The following ACTR3C variants were observed in gnomAD, a reference collection of about 807,000 sequenced individuals.
ACTR3C encodes actin-related protein 3C.
ACTR3C carries 18 observed loss-of-function variants against 26.3 expected under a neutral mutation model. That is an observed-to-expected ratio of 0.68 (90% CI 0.47 to 1.01). The LOEUF is 1.01. Among genes scored for constraint, ACTR3C ranks in the 50% least tolerant of loss-of-function variants. The pLI is 0.00. For synonymous variants in ACTR3C, 55 were observed against 94.5 expected, an observed-to-expected ratio of 0.58 and a Z score of 2.42; for missense variants, 184 against 250.7, an observed-to-expected ratio of 0.73 and a Z score of 1.80.
the ACTR3C span, among the ~76,000 whole-genome samples, chr7:150,066,560 G>A: frequency 1.3e-5 from 2 of 152,144 alleles, no homozygotes; most frequent in Non-Finnish European, 2.9e-5. Context: ...CAACAGTTGT[G>A]TAGAAAAATA....
the ACTR3C span, among the ~76,000 whole-genome samples, chr7:149,992,799 C>A: frequency 3.3e-5 from 5 of 152,170 alleles, no homozygotes; most frequent in East Asian, 5.8e-4. Flanking sequence ...CACATGCTCA[C>A]GAGGTGAAGT....
At chr7:150,219,433 T>TA in the ACTR3C span, among the ~76,000 whole-genome samples, 45 of 146,258 alleles carry the variant, frequency 3.1e-4, no homozygotes, top group African/African-American at 1.2e-3. Context: ...AGTTCATTGT[T>TA]ACATGCATTG....
At chr7:150,058,379 A>C in the ACTR3C span, among the ~76,000 whole-genome samples, 1 of 152,100 alleles carries the variant, frequency 6.6e-6, no homozygotes, top group African/African-American at 2.4e-5. Flanking sequence ...CTGCACCCAT[A>C]TCCCTTCTCA....
chr7:150,011,655 C>T, the ACTR3C span, among the ~76,000 whole-genome samples: 1 of 151,984 alleles, frequency 6.6e-6, no homozygotes, highest in Non-Finnish European at 1.5e-5. Context: ...CAATAGAAAG[C>T]CATGGCTTCT....
the ACTR3C span, among the ~76,000 whole-genome samples, chr7:150,121,284 C>A: frequency 2.8e-3 from 430 of 152,310 alleles, 4 homozygotes; most frequent in African/African-American, 9.7e-3. Flanking sequence ...GAGAGGAAGT[C>A]AAATTGTCTC....
intron 7 of ACTR3C, 186 bp downstream of exon 7, chr7:150,248,762 G>C: frequency 2.6e-6 from 1 of 379,764 alleles, no homozygotes; most frequent in Non-Finnish European, 4.6e-6. Context: ...ACAAATGAAT[G>C]AAGAGTCGAT....
chr7:150,033,185 C>G, the ACTR3C span, among the ~76,000 whole-genome samples: 1 of 152,098 alleles, frequency 6.6e-6, no homozygotes, highest in Admixed American at 6.5e-5. Context: ...TCTGTTTGTC[C>G]TACCATTGAA....
downstream of ACTR3C, among the ~76,000 whole-genome samples, chr7:150,241,687 G>GA (rs1254881053): frequency 6.6e-6 from 1 of 152,000 alleles, no homozygotes; most frequent in Non-Finnish European, 1.5e-5. Context: ...AGACAGTATT[G>GA]AAAAAATGGA....
At chr7:150,316,575 TC>T (rs1796931954) in intron 1 of ACTR3C, among the ~76,000 whole-genome samples, 1 of 143,206 alleles carries the variant, frequency 7.0e-6, no homozygotes, top group Non-Finnish European at 1.5e-5. Context: ...AACCTCTGCC[TC>T]CCAGGTTCAA....
In ACTR3C at chr7:150,318,125, G is replaced by A. The variant is rs368177254; in HGVS notation, c.-52+5344C>T. 1.4e-4 allele frequency among the ~76,000 whole-genome samples: 22 copies of A among 152,310 alleles called. 1 individual carries two copies. In the South Asian group the frequency reaches 4.4e-3, roughly 30 times the overall value. ...ATGGAGAAGACGAGAAGAATAGAGT[G>A]AGGCTAAAGCTATGACGGTGAAAAG... On this transcript the variant is annotated intron_variant, in intron 1 of 7. Transcript: ENST00000683684.
chr7:149,936,776 T>C, the ACTR3C span, among the ~76,000 whole-genome samples: 5 of 152,184 alleles, frequency 3.3e-5, no homozygotes, highest in Admixed American at 2.6e-4. Context: ...CTATGTCTGA[T>C]GTATTTTATT....
the ACTR3C span, among the ~76,000 whole-genome samples, chr7:150,113,930 T>C: frequency 6.6e-6 from 1 of 152,118 alleles, no homozygotes; most frequent in Admixed American, 6.6e-5. Flanking sequence ...TCTCAGTATC[T>C]ACTTCTGGGG....
chr7:150,267,562 G>A (rs1363062680), intron 6 of ACTR3C, among the ~76,000 whole-genome samples: 1 of 152,156 alleles, frequency 6.6e-6, no homozygotes, highest in African/African-American at 2.4e-5. Context: ...TAGCCCCACA[G>A]CACGAGAGTG....
intron 1 of ACTR3C, among the ~76,000 whole-genome samples, chr7:150,320,907 T>C (rs1056160569): frequency 6.6e-6 from 1 of 152,214 alleles, no homozygotes; most frequent in Non-Finnish European, 1.5e-5. Flanking sequence ...ATAGTGTCAC[T>C]CTAGTTAGGA....
the ACTR3C span, among the ~76,000 whole-genome samples, chr7:150,007,036 A>T: frequency 6.6e-6 from 1 of 152,060 alleles, no homozygotes; most frequent in Admixed American, 6.6e-5. Context: ...GGCTCATTGT[A>T]TGAATTTGCA....
intron 6 of ACTR3C, among the ~76,000 whole-genome samples, chr7:150,279,043 G>A (rs997555099): frequency 3.9e-5 from 6 of 152,156 alleles, no homozygotes; most frequent in Admixed American, 1.3e-4. Context: ...AGTGGTTCAC[G>A]CCTATAATCC....
At chr7:150,226,191 TC>T in the ACTR3C span, among the ~76,000 whole-genome samples, 1 of 152,228 alleles carries the variant, frequency 6.6e-6, no homozygotes, top group Non-Finnish European at 1.5e-5. Context: ...ATGTAAGGTT[TC>T]AACTCCTTTG....
chr7:150,000,867 AAG>A, the ACTR3C span: 1 of 137,904 alleles, frequency 7.3e-6, no homozygotes, highest in Non-Finnish European at 1.6e-5. Context: ...CCCAGAGTGA[AAG>A]GGATTGTCCT....
At chr7:150,121,742 C>A in the ACTR3C span, among the ~76,000 whole-genome samples, 6 of 151,470 alleles carry the variant, frequency 4.0e-5, no homozygotes, top group African/African-American at 1.2e-4. Context: ...CTTTAAATTT[C>A]ATATGGAACC....
Sources: allele counts gnomAD v4.1 joint callset (sites outside exome capture counted in the v4.1 genomes callset), GRCh38; gene constraint gnomAD v4.1.1; transcripts MANE v1.5; gene names NCBI Gene and HGNC (gene_info 2026-07-23, HGNC 2026-07-21).